ATP5PO: variants seen among roughly 807,000 people sequenced by gnomAD.
The protein encoded by ATP5PO is ATP synthase peripheral stalk subunit OSCP.
ATP5PO carries 14 observed loss-of-function variants against 26.2 expected under a neutral mutation model. The ratio of observed to expected loss-of-function variants is 0.53; its 90% CI spans 0.35 to 0.83. The LOEUF (loss-of-function observed/expected upper bound fraction) is 0.83, where lower values mean the gene tolerates loss of function less well. Among genes scored for constraint, ATP5PO ranks in the 40% least tolerant of loss-of-function variants. The pLI is 0.01. For missense variants in ATP5PO, 241 were observed against 258.5 expected, an observed-to-expected ratio of 0.93 and a Z score of 0.46; for synonymous variants, 106 against 95.1, an observed-to-expected ratio of 1.12 and a Z score of -0.67.
At chr21:33,915,593 C>T (rs2052541105) in intron 1 of ATP5PO, 135 bp downstream of exon 1, 1 of 1,339,092 alleles carries the variant, frequency 7.5e-7, no homozygotes, top group South Asian at 1.4e-5. Flanking sequence ...GAGTCGCTCC[C>T]ACTCGCCAGG....
At position 33,907,422 on chromosome 21, in the gene ATP5PO, A is replaced by G. The variant is rs780501086; in HGVS notation, c.360T>C (p.Asn120=). Residue 120 remains asparagine, a synonymous_variant, in exon 5 of 7, where the codon AAT becomes AAC. Coordinates refer to ENST00000290299, the MANE Select transcript of ATP5PO (RefSeq NM_001697.3). ...AAAAGGCAGAAACGACTCCTTGGGTATTGCTTAATCGACCATTTTCAGCAA... is the reference window on the plus strand; with the variant it reads ...AAAAGGCAGAAACGACTCCTTGGGTGTTGCTTAATCGACCATTTTCAGCAA... ...NLLAENGRLS[N]TQGVVSAFST... is the part of the protein sequence containing the mutation. 5.0e-6 allele frequency: 8 copies of G among 1,614,154 alleles called. No individual in the cohort carries two copies. Among genetic ancestry groups the G allele is most frequent in the Non-Finnish European group, 6.8e-6 (8 of 1,180,032 alleles).
At chr21:33,909,909 G>A (rs1367784404) in intron 3 of ATP5PO, among the ~76,000 whole-genome samples, 1 of 152,192 alleles carries the variant, frequency 6.6e-6, no homozygotes, top group Non-Finnish European at 1.5e-5. Context: ...TGACCACAGA[G>A]GCCTCCGCAC....
chr21:33,905,908 T>A (rs1404403294), intron 5 of ATP5PO, among the ~76,000 whole-genome samples: 2 of 59,292 alleles, frequency 3.4e-5, no homozygotes, highest in African/African-American at 8.2e-5. Context: ...TGAGACTCAG[T>A]CTCAAAAAAG....
chr21:33,914,512 T>TA lies in ATP5PO; in HGVS notation c.37-13dup. On this transcript the variant is annotated splice_polypyrimidine_tract_variant and intron_variant, in intron 1 of 6. Transcript: ENST00000290299. ...CTGAAGCATCGCACCTTCAAAGCAA[T>TA]AAAGGAAAATAGATCAAACAAAATT... The TA allele has an allele frequency of 6.2e-7, 1 of 1,610,268 alleles. No individual in the cohort carries two copies. The highest frequency in any genetic ancestry group is 1.1e-5 in the South Asian group (1 of 89,938).
chr21:33,907,245 A>G, intron 5 of ATP5PO, 96 bp downstream of exon 5: 2 of 1,099,496 alleles, frequency 1.8e-6, no homozygotes, highest in Non-Finnish European at 2.7e-6. Flanking sequence ...TACCTTTCCC[A>G]ATTTCTTGAT....
chr21:33,912,121 T>A (rs950541814), intron 3 of ATP5PO, among the ~76,000 whole-genome samples, 168 bp downstream of exon 3: 11 of 152,348 alleles, frequency 7.2e-5, no homozygotes, highest in African/African-American at 2.6e-4. Flanking sequence ...GTTCTTTTTA[T>A]ATGTCTTATA....
At chr21:33,904,948 T>C (rs1038669686) in intron 5 of ATP5PO, among the ~76,000 whole-genome samples, 1 of 152,090 alleles carries the variant, frequency 6.6e-6, no homozygotes, top group Non-Finnish European at 1.5e-5. Flanking sequence ...ACCATGCTGG[T>C]CAGACTGGTC....
intron 5 of ATP5PO, chr21:33,906,402 T>C (rs1283578951): frequency 3.4e-6 from 1 of 293,368 alleles, no homozygotes; most frequent in Admixed American, 4.9e-5. Flanking sequence ...CTAAGGAAAA[T>C]GGACTTCTAA....
chr21:33,906,584 G>C, intron 5 of ATP5PO: 1 of 436,406 alleles, frequency 2.3e-6, no homozygotes, highest in Non-Finnish European at 4.6e-6. Context: ...GCATATAGTA[G>C]GGTTCAATAA....
intron 4 of ATP5PO, among the ~76,000 whole-genome samples, chr21:33,907,809 G>T (rs1987193296): frequency 6.6e-6 from 1 of 152,186 alleles, no homozygotes; most frequent in African/African-American, 2.4e-5. Context: ...CTGGGCGACA[G>T]AGCAAGATCT....
At chr21:33,906,582 T>C in intron 5 of ATP5PO, 1 of 435,754 alleles carries the variant, frequency 2.3e-6, no homozygotes, top group South Asian at 1.6e-5. Flanking sequence ...CAGCATATAG[T>C]AGGGTTCAAT....
Position 33,912,324 on chromosome 21 carries a change from G to C in ATP5PO, c.163C>G (p.Leu55Val). The C allele has an allele frequency of 6.2e-7, 1 of 1,613,332 alleles. No homozygotes were observed. The highest frequency in any genetic ancestry group is 1.1e-5 in the South Asian group (1 of 91,038). Residue 55 changes from leucine (L) to valine (V), a missense_variant, in exon 3 of 7, where the codon CTG becomes GTG. Physicochemically the swap from Leu to Val is conservative, Grantham distance 32. Around this residue, in one of 3 missense-constraint regions of ATP5PO, gnomAD observed 125 missense variants for 108.5 expected, o/e 1.15. Transcript: ENST00000290299. ...LYSAASKQNK[L>V]EQVEKELLRV... ...AACAACTCCTTTTCTACTTGCTCCA[G>C]CTTATTCTGTTTTGATGCAGCAGAA...
intron 6 of ATP5PO, 129 bp downstream of exon 6, chr21:33,903,801 TTAAAA>T: frequency 9.0e-7 from 1 of 1,108,464 alleles, no homozygotes; most frequent in Non-Finnish European, 1.3e-6. Flanking sequence ...TCATTTAAAT[TTAAAA>T]TAAATACAAA....
chr21:33,915,177 G>C (rs986567437), intron 1 of ATP5PO: 1 of 156,072 alleles, frequency 6.4e-6, no homozygotes, highest in Non-Finnish European at 1.4e-5. Context: ...AAGCACCATG[G>C]TGAGATGCAG....
chr21:33,912,494 AATGTATCTCTTTAAC>A (rs1213800753), intron 2 of ATP5PO, 95 bp from the exon 3 acceptor site: 3 of 802,692 alleles, frequency 3.7e-6, no homozygotes, highest in Admixed American at 2.7e-5. Flanking sequence ...TATTTTAAAA[AATGTATCTCTTTAAC>A]ACAAAACAGT....
intron 2 of ATP5PO, among the ~76,000 whole-genome samples, chr21:33,913,524 T>G (rs1055774857): frequency 7.2e-5 from 11 of 152,228 alleles, no homozygotes; most frequent in Non-Finnish European, 1.6e-4. Flanking sequence ...GACTTCATGT[T>G]CCAACAGGGT....
At chr21:33,914,378 C>G in intron 2 of ATP5PO, 72 bp downstream of exon 2, 1 of 1,473,050 alleles carries the variant, frequency 6.8e-7, no homozygotes, top group Non-Finnish European at 9.4e-7. Context: ...AAAATCCACG[C>G]CCTGACTGTA....
At chr21:33,907,694 T>C (rs1336686704) in intron 4 of ATP5PO, among the ~76,000 whole-genome samples, 3 of 152,144 alleles carry the variant, frequency 2.0e-5, no homozygotes, top group Non-Finnish European at 4.4e-5. Context: ...GGCTTGGTGG[T>C]GCATGTCTAT....
chr21:33,915,563 G>T (rs1987302797), intron 1 of ATP5PO, 165 bp downstream of exon 1: 4 of 1,076,274 alleles, frequency 3.7e-6, no homozygotes, highest in Admixed American at 3.1e-5. Context: ...CATCCCGGGG[G>T]ACAAACGCTG....
Sources: gnomAD v4.1 joint callset for allele counts (sites outside exome capture counted in the v4.1 genomes callset) on GRCh38, gnomAD v4.1.1 for gene constraint, gnomAD v4.1.1 regional missense constraint, MANE v1.5 for transcripts, NCBI Gene and HGNC (gene_info 2026-07-23, HGNC 2026-07-21) for gene names.